Variants in ASAP1 observed in about 807,000 individuals in gnomAD.
ASAP1 encodes ArfGAP with SH3 domain, ankyrin repeat and PH domain 1, also known as arf-GAP with SH3 domain, ANK repeat and PH domain-containing protein 1.
Under a neutral mutation model 145.2 loss-of-function variants are expected in ASAP1, and 43 were observed. The observed-to-expected ratio is 0.30, with a 90% CI of 0.23 to 0.38. The LOEUF (loss-of-function observed/expected upper bound fraction) is 0.38, where lower values mean the gene tolerates loss of function less well. Among genes scored for constraint, ASAP1 ranks in the 10% least tolerant of loss-of-function variants. The pLI is 1.00. For synonymous variants in ASAP1, 546 were observed against 515.5 expected (o/e 1.06, Z -0.80); for missense variants, 1,018 against 1,355.3 (o/e 0.75, Z 3.91).
chr8:130,408,462 A>G (rs1829128701), intron 1 of ASAP1, among the ~76,000 whole-genome samples: 1 of 152,116 alleles, frequency 6.6e-6, no homozygotes, highest in Admixed American at 6.5e-5. Context: ...TGGTTCTCAG[A>G]ACTTCAAACA....
At chr8:130,111,512 G>A (rs2097546849) in intron 24 of ASAP1, among the ~76,000 whole-genome samples, 1 of 152,222 alleles carries the variant, frequency 6.6e-6, no homozygotes, top group East Asian at 1.9e-4. Context: ...TAATTCACAT[G>A]ATGCCAGTAA....
chr8:130,129,208 G>A (rs2097579659), intron 15 of ASAP1, among the ~76,000 whole-genome samples: 1 of 152,188 alleles, frequency 6.6e-6, no homozygotes, highest in African/African-American at 2.4e-5. Flanking sequence ...GTGGAACTGT[G>A]AGTCAATTAA....
At chr8:130,283,576 C>T (rs1166988071) in intron 3 of ASAP1, among the ~76,000 whole-genome samples, 11 of 72,746 alleles carry the variant, frequency 1.5e-4, no homozygotes, top group Non-Finnish European at 2.5e-4. Flanking sequence ...AACAAGACTC[C>T]ATCACAGAAA....
intron 13 of ASAP1, among the ~76,000 whole-genome samples, chr8:130,146,945 G>A (rs1273446831): frequency 6.6e-6 from 1 of 152,058 alleles, no homozygotes; most frequent in Non-Finnish European, 1.5e-5. Context: ...AATTCCAACG[G>A]CCAGGTGTGG....
At chr8:130,284,891 GAGAGAGAGAA>G (rs1821509946) in intron 3 of ASAP1, among the ~76,000 whole-genome samples, 1 of 101,150 alleles carries the variant, frequency 9.9e-6, no homozygotes, top group African/African-American at 2.8e-5. Context: ...CATACTGAGA[GAGAGAGAGAA>G]AGAGAGAGAG....
At chr8:130,108,757 GTTTTTTTTTTTTTTTTTTT>G (rs10568607) in intron 24 of ASAP1, among the ~76,000 whole-genome samples, 27 of 51,564 alleles carry the variant, frequency 5.2e-4, no homozygotes, top group South Asian at 4.3e-3. Context: ...TCAAAAACCA[GTTTTTTTTTTTTTTTTTTT>G]TTTTTTTTTT....
intron 2 of ASAP1, among the ~76,000 whole-genome samples, chr8:130,397,104 T>TATTC (rs199838935): frequency 0.019 from 2,836 of 152,236 alleles, 94 homozygotes; most frequent in African/African-American, 0.059. Flanking sequence ...ACTGTGATTT[T>TATTC]ATTCATTCAT....
chr8:130,053,355 T>C lies in ASAP1; in HGVS notation c.*1376A>G, dbSNP rs566355951. Reference sequence around the variant, plus strand: ...TTCCACTGACTGTGGAGTACAACTATTGCATTCTTTTCCAAAATTCAGACT... The same window carrying C: ...TTCCACTGACTGTGGAGTACAACTACTGCATTCTTTTCCAAAATTCAGACT... On this transcript the variant is annotated 3_prime_UTR_variant, in exon 30 of 30. Coordinates refer to ENST00000518721, the MANE Select transcript of ASAP1 (RefSeq NM_018482.4). 6.6e-6 allele frequency: 1 copy of C among 152,220 alleles called. No homozygotes were observed. Among genetic ancestry groups the C allele is most frequent in the African/African-American group, 2.4e-5 (1 of 41,448 alleles). The allele number at this position is 152,220 out of a possible 1,614,324, so 9.4% of individuals were successfully genotyped here. A position where few individuals can be genotyped will look rare whatever the true frequency, so the allele number is the denominator to read the frequency against.
chr8:130,141,257 T>C (rs2097610276), intron 13 of ASAP1, among the ~76,000 whole-genome samples: 1 of 152,204 alleles, frequency 6.6e-6, no homozygotes, highest in African/African-American at 2.4e-5. Flanking sequence ...AACACACATC[T>C]GTGCCATGAC....
In ASAP1 at chr8:130,181,423, T is replaced by C. The variant is rs367709413; in HGVS notation, c.531-543A>G. The stretch of plus-strand genomic sequence containing the variant: ...AAAAAGAATCAGAAAGTTGGAGACA[T>C]GAGGCTTTCCTTGAATATCGACAGC... On this transcript the variant is annotated intron_variant, in intron 7 of 29. Transcript: ENST00000518721. 2.0e-5 allele frequency among the ~76,000 whole-genome samples: 3 copies of C among 152,222 alleles called. No individual in the cohort carries two copies. In the East Asian group the frequency reaches 5.8e-4, roughly 29 times the overall value.
In ASAP1 at chr8:130,401,937, A is replaced by T. The variant is rs1828814706; in HGVS notation, c.7T>A (p.Ser3Thr). The T allele has an allele frequency of 2.5e-6, 4 of 1,613,444 alleles. No individual in the cohort carries two copies. The highest frequency in any genetic ancestry group is 3.4e-6 in the Non-Finnish European group (4 of 1,179,876). Reference protein sequence around the residue: MRSSASRLSSFSS... With the variant: MRTSASRLSSFSS... ...AAACTGGAGAGCCTGGAGGCTGAAG[A>T]TCTCATGTCTCAGCCGTCACATCAG... The change falls in exon 2 of 30, where the codon TCT becomes ACT. Residue 3 changes from serine to threonine, a missense_variant. Ser to Thr is a moderately conservative substitution (Grantham distance 58). Coordinates refer to ENST00000518721, the MANE Select transcript of ASAP1 (RefSeq NM_018482.4).
intron 3 of ASAP1, among the ~76,000 whole-genome samples, chr8:130,344,885 G>A (rs1177755951): frequency 3.3e-5 from 5 of 152,230 alleles, no homozygotes; most frequent in East Asian, 3.9e-4. Context: ...ATAATGCAAA[G>A]TATCATGAAA....
rs1007964895 is a variant in ASAP1, at chr8:130,227,422, T to C, written c.259+9500A>G. On this transcript the variant is annotated intron_variant, in intron 4 of 29. Coordinates refer to ENST00000518721, the MANE Select transcript of ASAP1 (RefSeq NM_018482.4). ...TGCATGCCACCATGCCCAGCTAATTTTTTTTTTGTATTTTTTGCAGAGATG... is the reference window on the plus strand; with the variant it reads ...TGCATGCCACCATGCCCAGCTAATTCTTTTTTTGTATTTTTTGCAGAGATG... Among the ~76,000 whole-genome samples, 10 of 152,138 alleles carry C rather than the reference T, an allele frequency of 6.6e-5. No individual in the cohort carries two copies. In the South Asian group the frequency reaches 1.5e-3, roughly 22 times the overall value.
chr8:130,072,825 G>GTGTGTGTGTGTGCGCA, intron 27 of ASAP1, among the ~76,000 whole-genome samples: 1 of 54,098 alleles, frequency 1.8e-5, no homozygotes, highest in Non-Finnish European at 3.6e-5. Flanking sequence ...GTGTGTGTGT[G>GTGTGTGTGTGTGCGCA]CGCGCGGGGG....
intron 3 of ASAP1, among the ~76,000 whole-genome samples, chr8:130,245,960 A>G (rs1818824319): frequency 6.6e-6 from 1 of 152,162 alleles, no homozygotes; most frequent in African/African-American, 2.4e-5. Context: ...TGGAGGCTAC[A>G]GTGGTTCCCA....
chr8:130,253,762 A>G (rs977980821), intron 3 of ASAP1, among the ~76,000 whole-genome samples: 2 of 152,220 alleles, frequency 1.3e-5, no homozygotes, highest in Admixed American at 1.3e-4. Context: ...CACCACTGCT[A>G]TTAAGGAAGT....
chr8:130,403,657 A>G (rs1412617786), intron 1 of ASAP1, among the ~76,000 whole-genome samples: 2 of 144,634 alleles, frequency 1.4e-5, no homozygotes, highest in African/African-American at 5.2e-5. Flanking sequence ...GGTTCAATTG[A>G]TTCTCCTCCC....
chr8:130,093,163 T>G (rs187280897), intron 24 of ASAP1, among the ~76,000 whole-genome samples: 1 of 152,280 alleles, frequency 6.6e-6, no homozygotes, highest in Non-Finnish European at 1.5e-5. Context: ...GGAATGATAG[T>G]AATATTCCAC....
intron 2 of ASAP1, 129 bp downstream of exon 2, chr8:130,401,756 C>T (rs1828806427): frequency 5.1e-6 from 4 of 790,462 alleles, no homozygotes; most frequent in Admixed American, 2.4e-5. Context: ...CAATAACAAT[C>T]GTGCACACAG....
Sources: gnomAD v4.1 joint callset for allele counts (sites outside exome capture counted in the v4.1 genomes callset) on GRCh38, gnomAD v4.1.1 for gene constraint, MANE v1.5 for transcripts, NCBI Gene and HGNC (gene_info 2026-07-23, HGNC 2026-07-21) for gene names.